The following NDUFC1 variants were observed in gnomAD, a reference collection of about 807,000 sequenced individuals.
NDUFC1 encodes NADH dehydrogenase [ubiquinone] 1 subunit C1, mitochondrial.
A neutral mutation model predicts 11.6 loss-of-function variants in NDUFC1; 11 were observed. That is an observed-to-expected ratio of 0.95 (90% CI 0.60 to 1.58). NDUFC1 has a LOEUF of 1.58. Among genes scored for constraint, NDUFC1 ranks in the 40% most tolerant of loss-of-function variants. NDUFC1 has a pLI of 0.00. For synonymous variants in NDUFC1, 52 were observed against 42.2 expected (o/e 1.23, Z -0.90); for missense variants, 112 against 93.0 (o/e 1.20, Z -0.84).
chr4:139,297,894 A>G (rs1471791342), intron 1 of NDUFC1, among the ~76,000 whole-genome samples: 1 of 152,064 alleles, frequency 6.6e-6, no homozygotes, highest in East Asian at 1.9e-4. Flanking sequence ...GTAGATAACT[A>G]TCTCTACAAA....
At chr4:139,295,194 G>C in intron 3 of NDUFC1, 48 bp from the exon 4 acceptor site, 1 of 1,438,968 alleles carries the variant, frequency 6.9e-7, no homozygotes, top group Non-Finnish European at 9.8e-7. Flanking sequence ...TGCCTTGTAG[G>C]GAAAAAACCC....
chr4:139,292,812 A>G (rs1745287680), intron 4 of NDUFC1, among the ~76,000 whole-genome samples: 1 of 150,426 alleles, frequency 6.6e-6, no homozygotes. Flanking sequence ...GCCCTTAAAT[A>G]TATATATATA....
chr4:139,290,700 G>C (rs1214249128), intron 5 of NDUFC1, among the ~76,000 whole-genome samples: 1 of 150,142 alleles, frequency 6.7e-6, no homozygotes, highest in Non-Finnish European at 1.5e-5. Flanking sequence ...TTTAAAAAAG[G>C]TTTTCAGAAA....
At chr4:139,300,741 T>C (rs1330922235) in intron 1 of NDUFC1, 1 of 152,174 alleles carries the variant, frequency 6.6e-6, no homozygotes, top group Non-Finnish European at 1.5e-5. Flanking sequence ...TATTAAGAAC[T>C]AGTTTGAAGC....
intron 1 of NDUFC1, chr4:139,302,036 C>T: frequency 4.3e-6 from 2 of 466,272 alleles, no homozygotes; most frequent in Non-Finnish European, 7.5e-6. Flanking sequence ...CTTCTTCATT[C>T]CATCCCCACG....
intron 4 of NDUFC1, among the ~76,000 whole-genome samples, chr4:139,293,852 C>T (rs780185625): frequency 7.3e-5 from 11 of 150,412 alleles, no homozygotes; most frequent in Non-Finnish European, 1.6e-4. Context: ...TTATCTGTAA[C>T]GGGTCAACAA....
At position 139,302,149 on chromosome 4, in the gene NDUFC1, C is replaced by G. The variant is rs531588647; in HGVS notation, c.-222+267G>C. On this transcript the variant is annotated intron_variant, in intron 1 of 5. Coordinates refer to ENST00000394223, the MANE Select transcript of NDUFC1 (RefSeq NM_001184989.2). Reference sequence around the variant, plus strand: ...GAGAAGAGGCCCGGCCTTTGGCGGGCAAGTGGGCGACACCGGCAGGAGTCG... The same window carrying G: ...GAGAAGAGGCCCGGCCTTTGGCGGGGAAGTGGGCGACACCGGCAGGAGTCG... The G allele has an allele frequency of 1.8e-3, 575 of 311,922 alleles. 2 individuals are homozygous for G. The highest frequency in any genetic ancestry group is 0.011 in the African/African-American group (534 of 46,748). 19.3% of individuals were successfully genotyped at this position (311,922 alleles called of 1,614,324 possible).
Position 139,297,461 on chromosome 4 carries a change from T to A in NDUFC1, c.-221-18A>T, listed in dbSNP as rs1389368225. ...AACTGCATCTAGAAAAGAATCCTGATTAAGTAATTCCAGCTAGGAACTAAT... is the reference window on the plus strand; with the variant it reads ...AACTGCATCTAGAAAAGAATCCTGAATAAGTAATTCCAGCTAGGAACTAAT... On this transcript the variant is annotated intron_variant, in intron 1 of 5. Coordinates refer to ENST00000394223, the MANE Select transcript of NDUFC1 (RefSeq NM_001184989.2). The A allele has an allele frequency of 6.6e-6, 1 of 152,208 alleles. No homozygotes were observed. The highest frequency in any genetic ancestry group is 1.5e-5 in the Non-Finnish European group (1 of 68,044). 9.4% of individuals were successfully genotyped at this position (152,208 alleles called of 1,614,324 possible). A position where few individuals can be genotyped will look rare whatever the true frequency, so the allele number is the denominator to read the frequency against.
At chr4:139,296,028 G>A in intron 2 of NDUFC1, 68 bp from the exon 3 acceptor site, 1 of 507,762 alleles carries the variant, frequency 2.0e-6, no homozygotes. Context: ...TGTCCTCTGG[G>A]GGTTTTTCAC....
At chr4:139,301,183 C>T in intron 1 of NDUFC1, 1 of 208,540 alleles carries the variant, frequency 4.8e-6, no homozygotes, top group Non-Finnish European at 9.5e-6. Context: ...TGGGCTCAAA[C>T]GATGATCACA....
chr4:139,297,047 G>A (rs1277470593), intron 2 of NDUFC1, among the ~76,000 whole-genome samples: 2 of 152,170 alleles, frequency 1.3e-5, no homozygotes, highest in Admixed American at 6.5e-5. Context: ...AACCTAGTTT[G>A]AGCCTCCTGG....
At chr4:139,301,404 G>C (rs780554329) in intron 1 of NDUFC1, 12 of 423,714 alleles carry the variant, frequency 2.8e-5, no homozygotes, top group African/African-American at 1.2e-4. Context: ...CAGGTTTCCC[G>C]GCAAGCTCCG....
chr4:139,298,516 G>A (rs1353759857), intron 1 of NDUFC1, among the ~76,000 whole-genome samples: 1 of 151,542 alleles, frequency 6.6e-6, no homozygotes, highest in Non-Finnish European at 1.5e-5. Context: ...CACTTTGGGA[G>A]GCTGCGGTGG....
intron 1 of NDUFC1, among the ~76,000 whole-genome samples, chr4:139,298,044 C>T (rs751645059): frequency 2.0e-5 from 3 of 151,602 alleles, no homozygotes; most frequent in Non-Finnish European, 4.4e-5. Context: ...ACTCCAGCCT[C>T]GGTGACACAG....
intron 5 of NDUFC1, among the ~76,000 whole-genome samples, chr4:139,292,010 T>C (rs942693034): frequency 1.3e-5 from 2 of 152,102 alleles, no homozygotes; most frequent in African/African-American, 4.8e-5. Flanking sequence ...CTAATTTTTT[T>C]GTATTTTTGG....
Position 139,298,732 on chromosome 4 carries a change from G to A in NDUFC1, c.-221-1289C>T, listed in dbSNP as rs983708352. Among the ~76,000 whole-genome samples, 3 of 151,516 alleles carry A rather than the reference G, an allele frequency of 2.0e-5. No individual in the cohort carries two copies. In the South Asian group the frequency reaches 6.2e-4, roughly 32 times the overall value. On this transcript the variant is annotated intron_variant, in intron 1 of 5. Coordinates refer to ENST00000394223, the MANE Select transcript of NDUFC1 (RefSeq NM_001184989.2). The stretch of plus-strand genomic sequence containing the variant: ...TCTGTTGCCCAGGCCGGAGAGCAGA[G>A]GTGTCATCACAGCTCACTGCAGTCT...
rs187067949 is a variant in NDUFC1 at position 139,300,237 on chromosome 4, C to T, written c.-222+2179G>A. On this transcript the variant is annotated intron_variant, in intron 1 of 5. Transcript: ENST00000394223. ...AGAGAGATCACAGAATTTAAGGAAACTCCAGGATTTGACTGTTAAAAACCT... is the reference window on the plus strand; with the variant it reads ...AGAGAGATCACAGAATTTAAGGAAATTCCAGGATTTGACTGTTAAAAACCT... Among the ~76,000 whole-genome samples, 7 of 152,218 alleles carry T rather than the reference C, an allele frequency of 4.6e-5. No homozygotes were observed. In the East Asian group the frequency reaches 7.7e-4, roughly 17 times the overall value.
chr4:139,299,654 CTG>C (rs1407182582), intron 1 of NDUFC1, among the ~76,000 whole-genome samples: 1 of 152,164 alleles, frequency 6.6e-6, no homozygotes, highest in Non-Finnish European at 1.5e-5. Flanking sequence ...TGTGGTCAGA[CTG>C]TTATCTGTAG....
intron 5 of NDUFC1, among the ~76,000 whole-genome samples, chr4:139,291,791 A>G (rs886600807): frequency 9.9e-5 from 15 of 152,172 alleles, no homozygotes; most frequent in African/African-American, 3.4e-4. Context: ...ATGAAAGCAA[A>G]GTGTAAAGCA....
Sources: gnomAD v4.1 joint callset for allele counts (sites outside exome capture counted in the v4.1 genomes callset) on GRCh38, gnomAD v4.1.1 for gene constraint, MANE v1.5 for transcripts, NCBI Gene and HGNC (gene_info 2026-07-23, HGNC 2026-07-21) for gene names.